Variants in PSMB7 observed in about 807,000 individuals in gnomAD.
The protein encoded by PSMB7 is proteasome 20S subunit beta 7, also known as proteasome subunit beta type-7.
A neutral mutation model predicts 28.1 loss-of-function variants in PSMB7; 5 were observed. The ratio of observed to expected loss-of-function variants is 0.18; its 90% confidence interval spans 0.09 to 0.37. PSMB7 has a LOEUF of 0.37. Ranked by LOEUF, PSMB7 falls within the 10% of genes least tolerant of loss-of-function variation. The pLI is 1.00. For missense variants in PSMB7, 275 were observed against 346.2 expected (o/e 0.79, Z 1.63); for synonymous variants, 122 against 123.7 (o/e 0.99, Z 0.09).
rs766666983 is a variant in PSMB7, at chr9:124,414,021, G to A, written c.157-16C>T. On this transcript the variant is annotated splice_polypyrimidine_tract_variant and intron_variant, in intron 2 of 7. Transcript: ENST00000259457. ...CTATGCCATCCTATTAAAAAAAAAA[G>A]TTTTTAAACAATTTTACAAATATAA... 2 of 1,541,860 alleles carry A rather than the reference G, an allele frequency of 1.3e-6. No homozygotes were observed. The highest frequency in any genetic ancestry group is 2.3e-5 in the South Asian group (2 of 87,602).
intron 6 of PSMB7, among the ~76,000 whole-genome samples, chr9:124,375,330 T>C (rs1321961072): frequency 6.6e-6 from 1 of 151,944 alleles, no homozygotes; most frequent in Non-Finnish European, 1.5e-5. Flanking sequence ...CCGGCTAATT[T>C]TTTCTGTTTT....
intron 6 of PSMB7, among the ~76,000 whole-genome samples, chr9:124,375,314 C>T (rs918349553): frequency 6.6e-6 from 1 of 152,114 alleles, no homozygotes; most frequent in Admixed American, 6.5e-5. Context: ...GGATGTACCA[C>T]CATACCCGGC....
At chr9:124,369,346 G>A (rs1021809834) in intron 6 of PSMB7, among the ~76,000 whole-genome samples, 41 of 152,008 alleles carry the variant, frequency 2.7e-4, no homozygotes, top group Admixed American at 2.3e-3. Flanking sequence ...ATGCTGCTGG[G>A]GTCTCATTAC....
At position 124,415,404 on chromosome 9, in the gene PSMB7, C is replaced by T. The variant is rs759358036; in HGVS notation, c.22G>A (p.Ala8Thr). 4.3e-6 allele frequency: 7 copies of T among 1,614,152 alleles called. No individual in the cohort carries two copies. In the South Asian group the frequency reaches 5.5e-5, roughly 13 times the overall value. Residue 8 changes from alanine to threonine, a missense_variant, in exon 1 of 8, where the codon GCT becomes ACT. By Grantham distance (58) the Ala-to-Thr change is moderately conservative. Coordinates refer to ENST00000259457, the MANE Select transcript of PSMB7 (RefSeq NM_002799.4). MAAVSVYAPPVGGFSFDN... is the reference protein window; with the variant it reads MAAVSVYTPPVGGFSFDN... ...AAAGAGAAGCCTCCAACTGGTGGAG[C>T]ATACACCGACACAGCCGCCATCTTC...
chr9:124,371,855 C>T (rs918331260), intron 6 of PSMB7, among the ~76,000 whole-genome samples: 4 of 152,226 alleles, frequency 2.6e-5, no homozygotes, highest in African/African-American at 4.8e-5. Context: ...CTCTCTGATT[C>T]GTCTCTGGTC....
At chr9:124,355,541 T>A (rs1564673636) in intron 7 of PSMB7, among the ~76,000 whole-genome samples, 1 of 152,170 alleles carries the variant, frequency 6.6e-6, no homozygotes, top group Non-Finnish European at 1.5e-5. Context: ...TCACGCATCT[T>A]GCAAAATAAC....
At chr9:124,411,810 G>A (rs1317050712) in intron 4 of PSMB7, among the ~76,000 whole-genome samples, 2 of 152,186 alleles carry the variant, frequency 1.3e-5, no homozygotes, top group Admixed American at 6.5e-5. Context: ...CCCTATCTCA[G>A]AGTTAAAAGG....
At chr9:124,388,938 TC>T (rs1173536547) in intron 5 of PSMB7, among the ~76,000 whole-genome samples, 1 of 152,028 alleles carries the variant, frequency 6.6e-6, no homozygotes, top group Non-Finnish European at 1.5e-5. Flanking sequence ...GCAGCCTCCA[TC>T]CCCAACAGTC....
chr9:124,356,607 A>C lies in PSMB7; in HGVS notation c.722+157T>G, dbSNP rs79268421. Among the ~76,000 whole-genome samples, 574 of 152,276 alleles carry C rather than the reference A, an allele frequency of 3.8e-3. 4 individuals carry two copies. The highest frequency in any genetic ancestry group is 0.013 in the African/African-American group (553 of 41,554). On this transcript the variant is annotated intron_variant, in intron 7 of 7. Transcript: ENST00000259457. This position sits in a 1 kb window ranked among gnomAD's most constrained non-coding sequence, Gnocchi z 4.4. ...GACAGCAGCCCACTGTCATAAAGCA[A>C]GTAACAAGCCGAAGGTCTGTGTGGG...
chr9:124,368,927 A>G (rs931668690), intron 6 of PSMB7, among the ~76,000 whole-genome samples: 2 of 152,196 alleles, frequency 1.3e-5, no homozygotes, highest in Non-Finnish European at 2.9e-5. Context: ...TTCAGAGCCC[A>G]CGTGTGCACA....
chr9:124,368,896 C>A (rs2131149287), intron 6 of PSMB7, among the ~76,000 whole-genome samples: 1 of 152,300 alleles, frequency 6.6e-6, no homozygotes, highest in South Asian at 2.1e-4. Context: ...AGGCAAAAAT[C>A]AATCTTCCAA....
chr9:124,412,927 C>T (rs1831044198), intron 3 of PSMB7, among the ~76,000 whole-genome samples: 2 of 151,886 alleles, frequency 1.3e-5, no homozygotes, highest in African/African-American at 4.8e-5. Context: ...CACAAGAAGA[C>T]AAAAATTATA....
chr9:124,414,010 T>C lies in PSMB7; in HGVS notation c.157-5A>G. The C allele has an allele frequency of 6.7e-7, 1 of 1,484,564 alleles. No individual in the cohort carries two copies. The allele number at this position is 1,484,564 out of a possible 1,614,324, so 92.0% of individuals were successfully genotyped here. On this transcript the variant is annotated splice_region_variant and splice_polypyrimidine_tract_variant and intron_variant, in intron 2 of 7. Transcript: ENST00000259457. The stretch of plus-strand genomic sequence containing the variant: ...TGCTCCAAGAACTATGCCATCCTAT[T>C]AAAAAAAAAAGTTTTTAAACAATTT...
chr9:124,365,823 G>C (rs1426859452), intron 6 of PSMB7, among the ~76,000 whole-genome samples: 1 of 152,190 alleles, frequency 6.6e-6, no homozygotes, highest in East Asian at 1.9e-4. Flanking sequence ...GCTGAGGCAG[G>C]AGGATTACTT....
chr9:124,389,345 G>C (rs1830760728), intron 5 of PSMB7, among the ~76,000 whole-genome samples: 1 of 152,118 alleles, frequency 6.6e-6, no homozygotes, highest in Non-Finnish European at 1.5e-5. Flanking sequence ...CTGCTCCTTA[G>C]CAACCTTCCC....
intron 5 of PSMB7, among the ~76,000 whole-genome samples, chr9:124,389,052 C>G (rs757691477): frequency 6.6e-6 from 1 of 152,140 alleles, no homozygotes; most frequent in Non-Finnish European, 1.5e-5. Context: ...TCTAAGCTGC[C>G]CCTGAAGGTG....
At chr9:124,410,078 G>A (rs889516979) in intron 4 of PSMB7, among the ~76,000 whole-genome samples, 2 of 145,790 alleles carry the variant, frequency 1.4e-5, no homozygotes, top group African/African-American at 5.1e-5. Context: ...GCACAATCTC[G>A]GCTCACTGCC....
chr9:124,388,653 C>T (rs762553906), intron 5 of PSMB7, among the ~76,000 whole-genome samples: 1 of 152,184 alleles, frequency 6.6e-6, no homozygotes, highest in Non-Finnish European at 1.5e-5. Context: ...AGAGGACACG[C>T]AAGACCTTCC....
chr9:124,393,559 C>G (rs761530714), intron 5 of PSMB7, among the ~76,000 whole-genome samples: 1 of 152,186 alleles, frequency 6.6e-6, no homozygotes, highest in Non-Finnish European at 1.5e-5. Context: ...AGGCATCCAA[C>G]AATTTCACTC....
Sources: gnomAD v4.1 joint callset for allele counts (sites outside exome capture counted in the v4.1 genomes callset) on GRCh38, gnomAD v4.1.1 for gene constraint, Gnocchi (gnomAD v3.1) non-coding constraint, MANE v1.5 for transcripts, NCBI Gene and HGNC (gene_info 2026-07-23, HGNC 2026-07-21) for gene names.